Variants in DGKB observed in about 807,000 individuals in gnomAD.
The protein encoded by DGKB is 90 kDa diacylglycerol kinase.
In DGKB, 67 loss-of-function variants were observed where a neutral mutation model predicts 114.3. That is an observed-to-expected ratio of 0.59 (90% CI 0.48 to 0.72). The LOEUF (loss-of-function observed/expected upper bound fraction) is 0.72. DGKB is among the 30% of genes least tolerant of loss of function. The pLI, the probability that DGKB is intolerant of heterozygous loss-of-function variation, is 0.00. For missense variants in DGKB, 907 were observed against 975.2 expected (o/e 0.93, Z 0.93); for synonymous variants, 398 against 323.1 (o/e 1.23, Z -2.49).
intron 21 of DGKB, among the ~76,000 whole-genome samples, chr7:14,471,734 AT>A (rs920343658): frequency 6.6e-6 from 1 of 152,032 alleles, no homozygotes; most frequent in Non-Finnish European, 1.5e-5. Flanking sequence ...TCTTTATTGC[AT>A]TTTTTGCACT....
intron 4 of DGKB, among the ~76,000 whole-genome samples, chr7:14,745,145 C>A (rs1038544554): frequency 6.6e-6 from 1 of 152,122 alleles, no homozygotes; most frequent in Non-Finnish European, 1.5e-5. Context: ...TGGGATTTTT[C>A]AGCTGCCCTT....
intron 1 of DGKB, among the ~76,000 whole-genome samples, chr7:14,864,589 GATAGGAA>G (rs2128185819): frequency 6.6e-6 from 1 of 152,304 alleles, no homozygotes; most frequent in African/African-American, 2.4e-5. Context: ...TATATTGAGT[GATAGGAA>G]ACAATTGATT....
intron 21 of DGKB, among the ~76,000 whole-genome samples, chr7:14,472,014 T>C (rs1034968236): frequency 6.6e-6 from 1 of 152,206 alleles, no homozygotes; most frequent in African/African-American, 2.4e-5. Flanking sequence ...TGCGTGGATT[T>C]AAACAGTATT....
intron 1 of DGKB, among the ~76,000 whole-genome samples, chr7:14,859,814 T>C (rs1250728377): frequency 2.0e-5 from 3 of 152,104 alleles, no homozygotes; most frequent in African/African-American, 7.2e-5. Flanking sequence ...TAACTCTGCG[T>C]CTCACAATAG....
chr7:14,684,119 T>C (rs1450240847), intron 10 of DGKB, among the ~76,000 whole-genome samples: 1 of 152,188 alleles, frequency 6.6e-6, no homozygotes, highest in Non-Finnish European at 1.5e-5. Context: ...ATGTTACACA[T>C]GGCAAATTTC....
intron 23 of DGKB, among the ~76,000 whole-genome samples, chr7:14,255,456 A>T (rs559187956): frequency 6.6e-6 from 1 of 152,148 alleles, no homozygotes; most frequent in Non-Finnish European, 1.5e-5. Flanking sequence ...CCCCTAATTA[A>T]GTGGGAAGAA....
At chr7:14,933,943 T>G (rs1479157255) in intron 1 of DGKB, among the ~76,000 whole-genome samples, 1 of 152,180 alleles carries the variant, frequency 6.6e-6, no homozygotes, top group African/African-American at 2.4e-5. Context: ...CTCCTGACTA[T>G]ATATCCCAAT....
intron 20 of DGKB, among the ~76,000 whole-genome samples, chr7:14,573,467 CTGTGTGTGTGTG>C (rs4027158): frequency 1.6e-4 from 23 of 145,588 alleles, no homozygotes; most frequent in African/African-American, 4.3e-4. Context: ...TAATCTATCT[CTGTGTGTGTGTG>C]TGTGTGTGTG....
intron 25 of DGKB, among the ~76,000 whole-genome samples, chr7:14,168,735 C>T (rs1023369905): frequency 2.3e-4 from 35 of 152,194 alleles, no homozygotes; most frequent in African/African-American, 6.7e-4. Context: ...CATGCGTAGC[C>T]GAAATACAAG....
At chr7:14,616,984 T>C (rs1016504465) in intron 15 of DGKB, among the ~76,000 whole-genome samples, 1 of 151,764 alleles carries the variant, frequency 6.6e-6, no homozygotes, top group Non-Finnish European at 1.5e-5. Context: ...GAATTCATCA[T>C]GTAAAATCTT....
At chr7:14,294,007 C>A (rs549783593) in intron 23 of DGKB, among the ~76,000 whole-genome samples, 91 of 152,290 alleles carry the variant, frequency 6.0e-4, no homozygotes, top group African/African-American at 2.2e-3. Flanking sequence ...AGAGGTCTCT[C>A]TCGGCTAAAA....
In DGKB at chr7:14,884,794, A is replaced by T. The variant is rs374397394; in HGVS notation, c.-188+17798T>A. On this transcript the variant is annotated intron_variant, in intron 1 of 25. Transcript: ENST00000402815. ...CATTGTCAGAATTTAGACCAGAGGAAATTAGGTAGGAAACAGAAAAGATAC... is the reference window on the plus strand; with the variant it reads ...CATTGTCAGAATTTAGACCAGAGGATATTAGGTAGGAAACAGAAAAGATAC... Among the ~76,000 whole-genome samples the T allele has an allele frequency of 3.2e-4, 48 of 152,110 alleles. No individual in the cohort carries two copies. The East Asian group carries it at 5.2e-3, about 17-fold the overall frequency.
At chr7:14,464,291 T>G (rs1246565731) in intron 21 of DGKB, among the ~76,000 whole-genome samples, 1 of 152,154 alleles carries the variant, frequency 6.6e-6, no homozygotes, top group Non-Finnish European at 1.5e-5. Flanking sequence ...TGAATCACAG[T>G]ACATGAAACT....
chr7:14,862,867 T>C (rs1181942213), intron 1 of DGKB, among the ~76,000 whole-genome samples: 3 of 152,146 alleles, frequency 2.0e-5, no homozygotes, highest in Admixed American at 1.3e-4. Flanking sequence ...ACTTTAATTC[T>C]ACTGTGTTAA....
intron 9 of DGKB, among the ~76,000 whole-genome samples, chr7:14,689,133 A>G (rs1822257293): frequency 6.6e-6 from 1 of 150,656 alleles, no homozygotes; most frequent in East Asian, 2.0e-4. Flanking sequence ...AGAACATTAA[A>G]TTACCTTACT....
intron 17 of DGKB, among the ~76,000 whole-genome samples, chr7:14,585,238 T>G (rs1413531727): frequency 6.6e-6 from 1 of 152,192 alleles, no homozygotes; most frequent in African/African-American, 2.4e-5. Flanking sequence ...CTCATTGTTT[T>G]GCTTATACTA....
At chr7:14,150,357 G>A (rs1416989711) in intron 25 of DGKB, among the ~76,000 whole-genome samples, 1 of 152,036 alleles carries the variant, frequency 6.6e-6, no homozygotes, top group African/African-American at 2.4e-5. Flanking sequence ...AAGTTAAAAT[G>A]AATATCCTTC....
At chr7:14,694,258 A>G in intron 8 of DGKB, 64 bp from the exon 9 acceptor site, 9 of 1,414,580 alleles carry the variant, frequency 6.4e-6, no homozygotes, top group Non-Finnish European at 8.7e-6. Context: ...ATAGGCTACA[A>G]CATATGAAAT....
intron 13 of DGKB, among the ~76,000 whole-genome samples, chr7:14,636,607 G>A (rs560999826): frequency 2.0e-5 from 3 of 151,850 alleles, no homozygotes; most frequent in South Asian, 2.1e-4. Context: ...TACAAGATAC[G>A]ATAACTATAG....
Sources: allele counts gnomAD v4.1 joint callset (sites outside exome capture counted in the v4.1 genomes callset), GRCh38; gene constraint gnomAD v4.1.1; transcripts MANE v1.5; gene names NCBI Gene and HGNC (gene_info 2026-07-23, HGNC 2026-07-21).